Variants in GLI2 observed in about 807,000 individuals in gnomAD.
GLI2 encodes the protein transcription activator GLI2.
Under a neutral mutation model 78.9 loss-of-function variants are expected in GLI2, and 22 were observed. The observed-to-expected ratio is 0.28, with a 90% CI of 0.20 to 0.40. The LOEUF is 0.40. GLI2 is among the 10% of genes least tolerant of loss of function. GLI2 has a pLI of 1.00. For missense variants in GLI2, 2,097 were observed against 2,213.2 expected (o/e 0.95, Z 1.05); for synonymous variants, 974 against 963.7 (o/e 1.01, Z -0.20).
intron 2 of GLI2, among the ~76,000 whole-genome samples, chr2:120,861,797 C>CTAA (rs1388784785): frequency 1.3e-5 from 2 of 152,194 alleles, no homozygotes; most frequent in Admixed American, 6.5e-5. Flanking sequence ...ACGTTAAGTG[C>CTAA]TAATATGCTC....
chr2:120,783,663 G>T (rs1558793835), intron 1 of GLI2, among the ~76,000 whole-genome samples: 1 of 152,084 alleles, frequency 6.6e-6, no homozygotes, highest in African/African-American at 2.4e-5. Flanking sequence ...TATCAGTAGG[G>T]TGTGTCCTTA....
In GLI2 at chr2:120,781,601, G is replaced by A. The variant is rs186237576; in HGVS notation, c.-30-15690G>A. On this transcript the variant is annotated intron_variant, in intron 1 of 13. Transcript: ENST00000361492. ...ATGTTTTACATTAAAGAACATTACC[G>A]GCCAGGTGCGGTGGCTTACGCCTGT... Among the ~76,000 whole-genome samples, 4 of 151,850 alleles carry A rather than the reference G, an allele frequency of 2.6e-5. No homozygotes were observed. In the East Asian group the frequency reaches 5.8e-4, roughly 22 times the overall value.
At chr2:120,858,209 G>C (rs1487647339) in intron 2 of GLI2, among the ~76,000 whole-genome samples, 1 of 152,220 alleles carries the variant, frequency 6.6e-6, no homozygotes, top group Admixed American at 6.5e-5. Context: ...GATGCCAGCT[G>C]TGTGGCTTTC....
intron 2 of GLI2, among the ~76,000 whole-genome samples, chr2:120,885,954 A>T (rs2592600): frequency 0.45 from 68,590 of 152,002 alleles, 15,794 homozygotes; most frequent in Middle Eastern, 0.63. Context: ...TGAAAAAGGG[A>T]AGTAACTCCA....
Position 120,972,050 on chromosome 2 carries a change from T to C in GLI2, c.1169T>C (p.Leu390Pro). Residue 390 changes from leucine (L) to proline (P), a missense_variant, in exon 8 of 14, where the codon CTG (leucine) becomes CCG (proline). Physicochemically the swap from Leu to Pro is moderately conservative, Grantham distance 98. This residue lies in a region of GLI2 where 578 missense variants were observed against 612.0 expected (regional missense o/e 0.94). Coordinates refer to ENST00000361492, the MANE Select transcript of GLI2 (RefSeq NM_001374353.1). ...EPEGLRPASP[L>P]ALTQEQLADL... ...GAGGGCCTGCGGCCGGCCTCCCCTC[T>C]GGCGCTGACGCAGGTAACCTGCTGC... 1 of 1,613,236 alleles carries C rather than the reference T, an allele frequency of 6.2e-7. No individual in the cohort carries two copies. The highest frequency in any genetic ancestry group is 8.5e-7 in the Non-Finnish European group (1 of 1,179,942).
intron 2 of GLI2, among the ~76,000 whole-genome samples, chr2:120,871,642 A>G (rs1031310438): frequency 6.6e-6 from 1 of 152,286 alleles, no homozygotes; most frequent in Admixed American, 6.5e-5. Flanking sequence ...CTCTAAATCT[A>G]TTTAATACCT....
At position 120,797,349 on chromosome 2, in the gene GLI2, C is replaced by T. The variant is rs1684443724; in HGVS notation, c.29C>T (p.Ser10Phe). METSASATA[S>F]EKQEAKSGIL... ...GAGACGTCTGCCTCAGCCACTGCCT[C>T]CGAGAAGCAAGAAGCCAAAAGTGGG... The change falls in exon 2 of 14, where the codon TCC becomes TTC. Residue 10 changes from serine to phenylalanine, a missense_variant. Coordinates refer to ENST00000361492, the MANE Select transcript of GLI2 (RefSeq NM_001374353.1). 2 of 1,613,954 alleles carry T rather than the reference C, an allele frequency of 1.2e-6. No individual in the cohort carries two copies. Among genetic ancestry groups the T allele is most frequent in the African/African-American group, 1.3e-5 (1 of 74,916 alleles).
chr2:120,870,703 C>T (rs1056084726), intron 2 of GLI2, among the ~76,000 whole-genome samples: 7 of 152,180 alleles, frequency 4.6e-5, no homozygotes, highest in African/African-American at 9.7e-5. Context: ...GCTCCCAGAT[C>T]GATCCCAGAG....
chr2:120,812,327 T>A (rs531154011), intron 2 of GLI2, among the ~76,000 whole-genome samples: 215 of 152,212 alleles, frequency 1.4e-3, no homozygotes, highest in African/African-American at 5.0e-3. Flanking sequence ...CAGGAGCCGC[T>A]GGATGGGCCC....
rs111965503 is a variant in GLI2 at position 120,949,404 on chromosome 2, A to G, written c.255-1839A>G. Among the ~76,000 whole-genome samples, 727 of 152,350 alleles carry G rather than the reference A, an allele frequency of 4.8e-3. 2 individuals are homozygous for G. Among genetic ancestry groups the G allele is most frequent in the African/African-American group, 0.017 (700 of 41,582 alleles). On this transcript the variant is annotated intron_variant, in intron 3 of 13. Coordinates refer to ENST00000361492, the MANE Select transcript of GLI2 (RefSeq NM_001374353.1). Reference sequence around the variant, plus strand: ...TCTGAAGGTACCTCTGAGCACCTGCATGACGCCAGTTCCATGCCAAGTGCT... The same window carrying G: ...TCTGAAGGTACCTCTGAGCACCTGCGTGACGCCAGTTCCATGCCAAGTGCT...
intron 1 of GLI2, among the ~76,000 whole-genome samples, chr2:120,754,456 T>G (rs2104636900): frequency 6.7e-6 from 1 of 150,116 alleles, no homozygotes; most frequent in Non-Finnish European, 1.5e-5. Flanking sequence ...CCCCCTGGCC[T>G]TCCCTGGCAA....
chr2:120,744,093 G>A (rs1022682529), intron 1 of GLI2, among the ~76,000 whole-genome samples: 2 of 152,180 alleles, frequency 1.3e-5, no homozygotes, highest in South Asian at 4.1e-4. Flanking sequence ...GACTTTCCTC[G>A]AGGCTGAAGA....
chr2:120,910,353 A>T (rs1410324685), intron 2 of GLI2, among the ~76,000 whole-genome samples: 2 of 152,124 alleles, frequency 1.3e-5, no homozygotes, highest in African/African-American at 2.4e-5. Context: ...TGGGGGAGGG[A>T]TGGTGGCAGG....
At chr2:120,818,596 C>T (rs1262463748) in intron 2 of GLI2, among the ~76,000 whole-genome samples, 1 of 152,184 alleles carries the variant, frequency 6.6e-6, no homozygotes, top group Non-Finnish European at 1.5e-5. Context: ...TCCCCAAACC[C>T]CACTCCCAAC....
At chr2:120,832,602 G>A (rs1573449512) in intron 2 of GLI2, among the ~76,000 whole-genome samples, 2 of 152,190 alleles carry the variant, frequency 1.3e-5, no homozygotes, top group South Asian at 4.1e-4. Context: ...CAGACCTCAG[G>A]CCCTTTGGGA....
chr2:120,951,209 C>T (rs1266310856), intron 3 of GLI2, 34 bp from the exon 4 acceptor site: 3 of 1,291,490 alleles, frequency 2.3e-6, no homozygotes, highest in South Asian at 1.2e-5. Flanking sequence ...CCTCTGTGTC[C>T]TCCTTCTTAG....
intron 1 of GLI2, 106 bp downstream of exon 1, chr2:120,736,391 C>T (rs1484538788): frequency 6.6e-6 from 1 of 152,114 alleles, no homozygotes; most frequent in Non-Finnish European, 1.5e-5. Context: ...GGGGGTCCCT[C>T]GGCCGGGTAC....
intron 3 of GLI2, among the ~76,000 whole-genome samples, chr2:120,943,232 G>A (rs751252328): frequency 2.0e-5 from 3 of 152,302 alleles, no homozygotes; most frequent in East Asian, 3.9e-4. Context: ...GGCACCTTGG[G>A]TGAGAGGTCC....
chr2:120,921,558 C>T lies in GLI2; in HGVS notation c.149-5803C>T, dbSNP rs992503604. ...CCAGTAGGAAGGGACCTCATAGCTC[C>T]TCTAATCCCTGTTGTACAAGGAGTG... On this transcript the variant is annotated intron_variant, in intron 2 of 13. Coordinates refer to ENST00000361492, the MANE Select transcript of GLI2 (RefSeq NM_001374353.1). Among the ~76,000 whole-genome samples, 3 of 152,146 alleles carry T rather than the reference C, an allele frequency of 2.0e-5. No homozygotes were observed. In the East Asian group the frequency reaches 5.8e-4, roughly 29 times the overall value.
Sources: gnomAD v4.1 joint callset for allele counts (sites outside exome capture counted in the v4.1 genomes callset) on GRCh38, gnomAD v4.1.1 for gene constraint, gnomAD v4.1.1 regional missense constraint, MANE v1.5 for transcripts, NCBI Gene and HGNC (gene_info 2026-07-23, HGNC 2026-07-21) for gene names.